Variants in WIF1 observed in about 807,000 individuals in gnomAD.
WIF1 encodes the protein Wnt inhibitory factor 1.
In WIF1, 35 loss-of-function variants were observed where a neutral mutation model predicts 53.5. The ratio of observed to expected loss-of-function variants is 0.65; its 90% CI spans 0.50 to 0.87. The LOEUF (loss-of-function observed/expected upper bound fraction) is 0.87, where lower values mean the gene tolerates loss of function less well. WIF1 is among the 40% of genes least tolerant of loss of function. WIF1 has a pLI of 0.00. For missense variants in WIF1, 467 were observed against 476.8 expected (o/e 0.98, Z 0.19); for synonymous variants, 171 against 170.4 (o/e 1.00, Z -0.03).
At chr12:65,055,346 G>A in intron 8 of WIF1, 133 bp from the exon 9 acceptor site, 1 of 914,610 alleles carries the variant, frequency 1.1e-6, no homozygotes, top group East Asian at 2.7e-5. Flanking sequence ...TCCTAAGTCA[G>A]TCTCCAGTCA....
chr12:65,107,485 A>T lies in WIF1; in HGVS notation c.288+12932T>A, dbSNP rs529217437. Among the ~76,000 whole-genome samples the T allele has an allele frequency of 2.2e-4, 33 of 152,244 alleles. No homozygotes were observed. In the South Asian group the frequency reaches 5.6e-3, roughly 26 times the overall value. On this transcript the variant is annotated intron_variant, in intron 2 of 9. Coordinates refer to ENST00000286574, the MANE Select transcript of WIF1 (RefSeq NM_007191.5). Reference sequence around the variant, plus strand: ...CTAAAAATACAAAAATTAGCCAGGCATGGTAGCTCCTGTAACCCCAGCTAC... The same window carrying T: ...CTAAAAATACAAAAATTAGCCAGGCTTGGTAGCTCCTGTAACCCCAGCTAC...
intron 2 of WIF1, among the ~76,000 whole-genome samples, chr12:65,089,638 A>C (rs1220216344): frequency 6.6e-6 from 1 of 152,038 alleles, no homozygotes; most frequent in Non-Finnish European, 1.5e-5. Flanking sequence ...CTTCAAGTTA[A>C]CTTAGCCACC....
chr12:65,099,053 A>G (rs962218283), intron 2 of WIF1, among the ~76,000 whole-genome samples: 3 of 152,212 alleles, frequency 2.0e-5, no homozygotes, highest in African/African-American at 7.2e-5. Flanking sequence ...CTCATTCTGC[A>G]TACATACCTA....
rs1315548156 is a variant in WIF1, at chr12:65,067,621, A to T, written c.634+74T>A. 3 of 1,440,878 alleles carry T rather than the reference A, an allele frequency of 2.1e-6. No individual in the cohort carries two copies. The Admixed American group carries it at 5.4e-5, about 26-fold the overall frequency. The allele number at this position is 1,440,878 out of a possible 1,614,324, so 89.3% of individuals were successfully genotyped here. A position where few individuals can be genotyped will look rare whatever the true frequency, so the allele number is the denominator to read the frequency against. On this transcript the variant is annotated intron_variant, in intron 5 of 9. Coordinates refer to ENST00000286574, the MANE Select transcript of WIF1 (RefSeq NM_007191.5). ...ATAATTTCAGGTGTTAAAAATACAC[A>T]ATACACATGGGGCTCCTGCACGACA...
intron 2 of WIF1, among the ~76,000 whole-genome samples, chr12:65,107,449 C>T (rs945082255): frequency 1.3e-5 from 2 of 152,052 alleles, no homozygotes; most frequent in Admixed American, 6.6e-5. Flanking sequence ...CATGCTGAAA[C>T]CCTGTCTCTA....
chr12:65,092,603 A>G (rs1182262213), intron 2 of WIF1, among the ~76,000 whole-genome samples: 1 of 151,956 alleles, frequency 6.6e-6, no homozygotes, highest in Non-Finnish European at 1.5e-5. Flanking sequence ...AGACTGGAAT[A>G]AAGTGAGAGA....
intron 3 of WIF1, among the ~76,000 whole-genome samples, chr12:65,075,357 G>C (rs371847359): frequency 1.3e-5 from 2 of 152,158 alleles, no homozygotes; most frequent in Admixed American, 1.3e-4. Context: ...AATTAGCTCC[G>C]AAGGGGATTT....
chr12:65,071,901 T>C (rs1882779162), intron 3 of WIF1, among the ~76,000 whole-genome samples: 1 of 152,232 alleles, frequency 6.6e-6, no homozygotes, highest in Non-Finnish European at 1.5e-5. Context: ...TAATTTTTAA[T>C]GTAAAAGAAG....
At chr12:65,076,291 C>T (rs377078313) in intron 3 of WIF1, among the ~76,000 whole-genome samples, 1 of 152,086 alleles carries the variant, frequency 6.6e-6, no homozygotes, top group East Asian at 1.9e-4. Context: ...CCCCCCTCGG[C>T]CCCCCAAAAT....
chr12:65,089,017 G>A (rs749167176), intron 2 of WIF1, among the ~76,000 whole-genome samples: 12 of 151,796 alleles, frequency 7.9e-5, no homozygotes, highest in Non-Finnish European at 1.3e-4. Flanking sequence ...TCTCATTTTG[G>A]GGGCATCTTA....
intron 2 of WIF1, among the ~76,000 whole-genome samples, chr12:65,105,126 G>A (rs1251910231): frequency 3.3e-5 from 5 of 152,244 alleles, no homozygotes; most frequent in African/African-American, 1.2e-4. Flanking sequence ...GAGAATAGGA[G>A]TAGAGCTCCA....
At chr12:65,061,267 A>G (rs776253171) in intron 7 of WIF1, among the ~76,000 whole-genome samples, 1 of 152,240 alleles carries the variant, frequency 6.6e-6, no homozygotes, top group Non-Finnish European at 1.5e-5. Context: ...TTGAAAGTTC[A>G]AACAGGAACT....
At chr12:65,063,408 T>C (rs772898447) in intron 6 of WIF1, among the ~76,000 whole-genome samples, 22 of 152,216 alleles carry the variant, frequency 1.4e-4, no homozygotes, top group Non-Finnish European at 2.8e-4. Context: ...GAAATTAAAA[T>C]GAGAGCTTGG....
chr12:65,062,979 G>T (rs1882636345), intron 6 of WIF1, among the ~76,000 whole-genome samples: 1 of 152,154 alleles, frequency 6.6e-6, no homozygotes. Flanking sequence ...CTTTGGAATA[G>T]ATAAAAGAGA....
At chr12:65,053,954 C>G (rs897735619) in intron 9 of WIF1, 2 of 151,788 alleles carry the variant, frequency 1.3e-5, no homozygotes, top group Admixed American at 1.3e-4. Context: ...GTTGCATGCA[C>G]CAACCTTTGG....
At chr12:65,066,773 G>C (rs763048765) in intron 5 of WIF1, 37 bp from the exon 6 acceptor site, 10 of 1,491,696 alleles carry the variant, frequency 6.7e-6, no homozygotes, top group Non-Finnish European at 7.3e-6. Flanking sequence ...AGGCCAAATG[G>C]TATTTTGGAG....
chr12:65,060,096 A>T (rs1300303436), intron 7 of WIF1, among the ~76,000 whole-genome samples: 1 of 152,180 alleles, frequency 6.6e-6, no homozygotes, highest in Non-Finnish European at 1.5e-5. Flanking sequence ...ACCCTCATAC[A>T]CTGCTGGTGG....
At chr12:65,093,467 C>A (rs897601899) in intron 2 of WIF1, among the ~76,000 whole-genome samples, 6 of 152,032 alleles carry the variant, frequency 3.9e-5, no homozygotes, top group African/African-American at 1.2e-4. Context: ...TTAAGTTATA[C>A]CTTAGCTTTT....
intron 2 of WIF1, among the ~76,000 whole-genome samples, chr12:65,113,835 A>T (rs1212570504): frequency 6.6e-6 from 1 of 152,250 alleles, no homozygotes; most frequent in Non-Finnish European, 1.5e-5. Flanking sequence ...CCTGAAAAAA[A>T]TCATGCCCAC....
Sources: gnomAD v4.1 joint callset for allele counts (sites outside exome capture counted in the v4.1 genomes callset) on GRCh38, gnomAD v4.1.1 for gene constraint, MANE v1.5 for transcripts, NCBI Gene and HGNC (gene_info 2026-07-23, HGNC 2026-07-21) for gene names.